The following MAPKAP1 variants were observed in gnomAD, a reference collection of about 807,000 sequenced individuals.
MAPKAP1 encodes the protein target of rapamycin complex 2 subunit MAPKAP1.
MAPKAP1 carries 20 observed loss-of-function variants against 65.7 expected under a neutral mutation model. The ratio of observed to expected loss-of-function variants is 0.30; its 90% CI spans 0.21 to 0.44. The LOEUF is 0.44. MAPKAP1 is among the 20% of genes least tolerant of loss of function. The probability of loss-of-function intolerance (pLI) is 1.00; values close to 1 mark genes in which losing one functional copy is unlikely to be tolerated. For synonymous variants in MAPKAP1, 222 were observed against 244.3 expected (o/e 0.91, Z 0.85); for missense variants, 423 against 648.0 (o/e 0.65, Z 3.77).
intron 4 of MAPKAP1, among the ~76,000 whole-genome samples, chr9:125,600,956 T>G (rs1832282568): frequency 6.6e-6 from 1 of 152,222 alleles, no homozygotes; most frequent in Non-Finnish European, 1.5e-5. Context: ...TTTAGGGACC[T>G]CTTCATTATT....
chr9:125,449,832 C>T (rs1852874756), intron 10 of MAPKAP1, among the ~76,000 whole-genome samples: 1 of 152,202 alleles, frequency 6.6e-6, no homozygotes, highest in South Asian at 2.1e-4. Flanking sequence ...CTTAAACATA[C>T]ATGAACAGCA....
At chr9:125,636,785 G>A (rs1739589312) in intron 4 of MAPKAP1, among the ~76,000 whole-genome samples, 1 of 152,194 alleles carries the variant, frequency 6.6e-6, no homozygotes, top group African/African-American at 2.4e-5. Context: ...AGAGGACAAA[G>A]GGTCCAAGAG....
intron 4 of MAPKAP1, among the ~76,000 whole-genome samples, chr9:125,653,791 T>G (rs982464198): frequency 6.6e-6 from 1 of 152,228 alleles, no homozygotes; most frequent in East Asian, 1.9e-4. Flanking sequence ...CCTAGCATTA[T>G]CCTATTTGAT....
intron 4 of MAPKAP1, among the ~76,000 whole-genome samples, chr9:125,600,569 T>C (rs188374491): frequency 1.8e-4 from 28 of 152,360 alleles, no homozygotes; most frequent in Admixed American, 1.8e-3. Flanking sequence ...TTCCTTATTA[T>C]TGTAATTTAA....
At chr9:125,629,537 C>T (rs974091611) in intron 4 of MAPKAP1, among the ~76,000 whole-genome samples, 2 of 152,132 alleles carry the variant, frequency 1.3e-5, no homozygotes, top group African/African-American at 4.8e-5. Context: ...GTATTACTAC[C>T]ATATATCTTA....
chr9:125,456,203 A>G (rs997484364), intron 10 of MAPKAP1, among the ~76,000 whole-genome samples: 1 of 152,168 alleles, frequency 6.6e-6, no homozygotes, highest in Non-Finnish European at 1.5e-5. Context: ...CAGTTTGATT[A>G]TAATGTGCCT....
chr9:125,687,334 A>G (rs377748341), intron 1 of MAPKAP1, among the ~76,000 whole-genome samples: 1 of 152,190 alleles, frequency 6.6e-6, no homozygotes, highest in South Asian at 2.1e-4. Flanking sequence ...GATTAGTGAC[A>G]TCTGCTATGG....
intron 10 of MAPKAP1, among the ~76,000 whole-genome samples, chr9:125,452,187 C>G (rs986765831): frequency 2.6e-5 from 4 of 151,972 alleles, no homozygotes; most frequent in Admixed American, 2.0e-4. Context: ...CAATCTCTGT[C>G]TCCTGAGTTT....
chr9:125,591,413 A>C (rs970128211), intron 4 of MAPKAP1, among the ~76,000 whole-genome samples: 11 of 152,296 alleles, frequency 7.2e-5, no homozygotes, highest in South Asian at 6.2e-4. Flanking sequence ...CTGTTTAGGA[A>C]ATGAGGACAG....
chr9:125,605,054 CA>C (rs1422780121), intron 4 of MAPKAP1, among the ~76,000 whole-genome samples: 2 of 152,122 alleles, frequency 1.3e-5, no homozygotes, highest in African/African-American at 4.8e-5. Context: ...TATTTACAAA[CA>C]GAAAATAACC....
intron 7 of MAPKAP1, among the ~76,000 whole-genome samples, chr9:125,513,808 G>A (rs954731643): frequency 6.6e-6 from 1 of 152,146 alleles, no homozygotes; most frequent in South Asian, 2.1e-4. Context: ...GCATCAAAGC[G>A]AAAGTCTGTG....
chr9:125,656,154 G>T (rs1170070908), intron 4 of MAPKAP1, among the ~76,000 whole-genome samples: 2 of 152,174 alleles, frequency 1.3e-5, no homozygotes, highest in Non-Finnish European at 2.9e-5. Flanking sequence ...TCAGGCAATG[G>T]AAGCAAATAA....
chr9:125,527,832 A>C (rs2133130568), intron 7 of MAPKAP1, among the ~76,000 whole-genome samples: 1 of 152,328 alleles, frequency 6.6e-6, no homozygotes, highest in Non-Finnish European at 1.5e-5. Flanking sequence ...CGGCAACACT[A>C]ATTTCAACGG....
intron 4 of MAPKAP1, among the ~76,000 whole-genome samples, chr9:125,589,393 C>T (rs1292969185): frequency 6.6e-6 from 1 of 152,170 alleles, no homozygotes; most frequent in Non-Finnish European, 1.5e-5. Context: ...ATACATAATG[C>T]CTGGCCCTGT....
chr9:125,555,832 TG>T (rs1306025673), intron 6 of MAPKAP1, among the ~76,000 whole-genome samples: 1 of 152,252 alleles, frequency 6.6e-6, no homozygotes, highest in Non-Finnish European at 1.5e-5. Flanking sequence ...CCATGTTCAC[TG>T]AAAGTTATTC....
At chr9:125,639,439 T>C (rs1833515214) in intron 4 of MAPKAP1, among the ~76,000 whole-genome samples, 1 of 152,186 alleles carries the variant, frequency 6.6e-6, no homozygotes, top group Non-Finnish European at 1.5e-5. Flanking sequence ...AATCAATGCA[T>C]GCAAAGCACT....
intron 7 of MAPKAP1, among the ~76,000 whole-genome samples, chr9:125,528,429 C>T (rs1829834542): frequency 6.6e-6 from 1 of 152,176 alleles, no homozygotes; most frequent in Non-Finnish European, 1.5e-5. Flanking sequence ...TGCTGGTAGC[C>T]CAATTAGGAG....
intron 7 of MAPKAP1, among the ~76,000 whole-genome samples, chr9:125,528,714 G>A (rs1162208288): frequency 6.6e-6 from 1 of 151,860 alleles, no homozygotes; most frequent in Non-Finnish European, 1.5e-5. Flanking sequence ...GGGCGTGGTG[G>A]CACATGCCTG....
At chr9:125,441,922 G>A (rs1187159679) in intron 11 of MAPKAP1, among the ~76,000 whole-genome samples, 19 of 152,072 alleles carry the variant, frequency 1.2e-4, no homozygotes, top group Non-Finnish European at 2.8e-4. Context: ...GAGGCCAGGA[G>A]TTCGAGACCA....
Sources: allele counts gnomAD v4.1 joint callset (sites outside exome capture counted in the v4.1 genomes callset), GRCh38; gene constraint gnomAD v4.1.1; transcripts MANE v1.5; gene names NCBI Gene and HGNC (gene_info 2026-07-23, HGNC 2026-07-21).